Variants in ARID1B observed in about 807,000 individuals in gnomAD.
ARID1B encodes the protein AT-rich interaction domain 1B, also known as AT-rich interactive domain-containing protein 1B.
ARID1B carries 30 observed loss-of-function variants against 212.3 expected under a neutral mutation model. The ratio of observed to expected loss-of-function variants is 0.14; its 90% confidence interval spans 0.11 to 0.19. ARID1B has a LOEUF of 0.19. Ranked by LOEUF, ARID1B falls within the 10% of genes least tolerant of loss-of-function variation. The probability of loss-of-function intolerance (pLI) is 1.00; values close to 1 mark genes in which losing one functional copy is unlikely to be tolerated. For synonymous variants in ARID1B, 1,402 were observed against 1,301.7 expected (o/e 1.08, Z -1.66); for missense variants, 2,891 against 3,204.0 (o/e 0.90, Z 2.36).
chr6:156,998,458 C>T (rs1373650849), intron 4 of ARID1B, among the ~76,000 whole-genome samples: 3 of 152,066 alleles, frequency 2.0e-5, no homozygotes, highest in African/African-American at 4.8e-5. Context: ...CTCCTGACCT[C>T]GTGATCCACC....
chr6:157,145,477 C>A (rs1789660202), intron 7 of ARID1B, among the ~76,000 whole-genome samples: 1 of 152,126 alleles, frequency 6.6e-6, no homozygotes, highest in Non-Finnish European at 1.5e-5. Context: ...CGTGCGTCGC[C>A]TGTAGGGAAT....
At chr6:157,138,491 G>C (rs1392828547) in intron 7 of ARID1B, among the ~76,000 whole-genome samples, 1 of 152,098 alleles carries the variant, frequency 6.6e-6, no homozygotes, top group Non-Finnish European at 1.5e-5. Context: ...ACCCACCTCG[G>C]CCTCCCAAAG....
At chr6:157,043,905 T>G (rs1782048411) in intron 4 of ARID1B, among the ~76,000 whole-genome samples, 1 of 152,244 alleles carries the variant, frequency 6.6e-6, no homozygotes, top group Non-Finnish European at 1.5e-5. Context: ...TGCAGTTGTA[T>G]TCATTCATAT....
At chr6:156,848,941 T>G (rs140315951) in intron 2 of ARID1B, among the ~76,000 whole-genome samples, 313 of 152,354 alleles carry the variant, frequency 2.1e-3, no homozygotes, top group Admixed American at 3.9e-3. Flanking sequence ...GAGACAACTT[T>G]GAGTAAATTT....
In ARID1B at chr6:156,779,487, G is replaced by A; in HGVS notation, c.1791+16G>A. 5 of 1,349,366 alleles carry A rather than the reference G, an allele frequency of 3.7e-6. No homozygotes were observed. The highest frequency in any genetic ancestry group is 3.1e-5 in the African/African-American group (2 of 65,256). 83.6% of individuals were successfully genotyped at this position (1,349,366 alleles called of 1,614,324 possible). On this transcript the variant is annotated intron_variant, in intron 1 of 19. Coordinates refer to ENST00000636930, the MANE Select transcript of ARID1B (RefSeq NM_001374828.1). ...CAGATCCCAGGTAACCCTCGCGCCA[G>A]CCGGGCCTGCTTCCGCCCGGCGGCC... is the stretch of plus-strand genomic sequence containing the variant.
chr6:156,934,319 C>G (rs78528617), intron 3 of ARID1B, among the ~76,000 whole-genome samples: 101 of 144,286 alleles, frequency 7.0e-4, no homozygotes, highest in African/African-American at 2.4e-3. Context: ...ACACAGGTAG[C>G]TAGAGATCTG....
chr6:157,200,834 C>G lies in ARID1B; in HGVS notation c.4609C>G (p.Pro1537Ala), dbSNP rs140639463. The change falls in exon 18 of 20, where the codon CCG (proline) becomes GCG (alanine). Residue 1537 changes from proline to alanine, a missense_variant. Pro to Ala is a conservative substitution (Grantham distance 27, BLOSUM62 -1). Around this residue, in one of 7 missense-constraint regions of ARID1B, gnomAD observed 666 missense variants for 873.5 expected, o/e 0.76. Coordinates refer to ENST00000636930, the MANE Select transcript of ARID1B (RefSeq NM_001374828.1). The surrounding 1 kb of genome is among the most constrained non-coding windows in gnomAD (Gnocchi z 4.3). ...CCAGTATGGAGGCTCCTACTCGGGCCCGGACCGCAGGCCCATCCAGGGCCA... is the reference window on the plus strand; with the variant it reads ...CCAGTATGGAGGCTCCTACTCGGGCGCGGACCGCAGGCCCATCCAGGGCCA... ...YNQYGGSYSG[P>A]DRRPIQGQYP... 3.0e-5 allele frequency: 49 copies of G among 1,614,096 alleles called. No homozygotes were observed. The highest frequency in any genetic ancestry group is 4.0e-5 in the Non-Finnish European group (47 of 1,180,036).
rs1554228776 is a variant in ARID1B at position 157,167,041 on chromosome 6, C to G, written c.3091C>G (p.Gln1031Glu). The change falls in exon 9 of 20, where the codon CAA (glutamine) becomes GAA (glutamate). Residue 1031 changes from glutamine (Q) to glutamate (E), a missense_variant and splice_region_variant. This residue lies in a region of ARID1B where 1,643 missense variants were observed against 1,544.0 expected (regional missense o/e 1.06). Transcript: ENST00000636930. ...GTGCTGTGCTTTCTCTTCCTGTAGG[C>G]AAGGCAGTTTCCCCGGCATGAACCA... is the stretch of plus-strand genomic sequence containing the variant. Reference protein sequence around the residue: ...QAAANSAQSRQGSFPGMNQSG... With the variant: ...QAAANSAQSREGSFPGMNQSG... 6.2e-7 allele frequency: 1 copy of G among 1,610,858 alleles called. No homozygotes were observed. Among genetic ancestry groups the G allele is most frequent in the Non-Finnish European group, 8.5e-7 (1 of 1,179,936 alleles).
intron 4 of ARID1B, among the ~76,000 whole-genome samples, chr6:156,963,266 A>G (rs936887246): frequency 7.2e-5 from 11 of 152,160 alleles, no homozygotes; most frequent in Admixed American, 7.2e-4. Flanking sequence ...AGTGATGTTA[A>G]GTTTTCTCTT....
intron 4 of ARID1B, among the ~76,000 whole-genome samples, chr6:157,007,257 C>A (rs1463057083): frequency 7.2e-5 from 11 of 152,136 alleles, no homozygotes; most frequent in Admixed American, 7.2e-4. Context: ...TAGAAAAATG[C>A]TTTTTAATGT....
chr6:157,192,837 A>G (rs1248538539), intron 15 of ARID1B, among the ~76,000 whole-genome samples: 2 of 152,254 alleles, frequency 1.3e-5, no homozygotes, highest in African/African-American at 2.4e-5. Flanking sequence ...CCTGTTGTGT[A>G]TAGTTTTCCA....
intron 2 of ARID1B, among the ~76,000 whole-genome samples, chr6:156,878,067 C>T (rs967736612): frequency 1.3e-5 from 2 of 152,094 alleles, no homozygotes; most frequent in African/African-American, 4.8e-5. Flanking sequence ...TGAAGGGCTT[C>T]TCTCACTCTA....
In ARID1B at chr6:156,782,711, A is replaced by T. The variant is rs555047364; in HGVS notation, c.1791+3240A>T. On this transcript the variant is annotated intron_variant, in intron 1 of 19. Transcript: ENST00000636930. ...TCCCAGTTAAATTTTAGGGTGTCTG[A>T]TATTTTAAATCTTGTAAACAAATTT... Among the ~76,000 whole-genome samples the T allele has an allele frequency of 2.0e-5, 3 of 152,248 alleles. No individual in the cohort carries two copies. The East Asian group carries it at 5.8e-4, about 29-fold the overall frequency.
At position 157,084,833 on chromosome 6, in the gene ARID1B, C is replaced by A; in HGVS notation, c.2419C>A (p.Pro807Thr). 6.2e-7 allele frequency: 1 copy of A among 1,614,096 alleles called. No homozygotes were observed. The highest frequency in any genetic ancestry group is 1.3e-5 in the African/African-American group (1 of 75,038). Reference protein sequence around the residue: ...HLSSIPGGPSPSPVGSPVGSN... With the variant: ...HLSSIPGGPSTSPVGSPVGSN... ...CTCCAGCATCCCGGGGGGCCCATCT[C>A]CCTCTCCTGTTGGCTCTCCTGTAGG... The change falls in exon 5 of 20, where the codon CCC becomes ACC. Residue 807 changes from proline (P) to threonine (T), a missense_variant. Pro to Thr is a conservative substitution (Grantham distance 38). Around this residue, in one of 7 missense-constraint regions of ARID1B, gnomAD observed 1,643 missense variants for 1,544.0 expected, o/e 1.06. Coordinates refer to ENST00000636930, the MANE Select transcript of ARID1B (RefSeq NM_001374828.1).
At chr6:156,993,334 G>A (rs1778378454) in intron 4 of ARID1B, among the ~76,000 whole-genome samples, 1 of 152,222 alleles carries the variant, frequency 6.6e-6, no homozygotes, top group African/African-American at 2.4e-5. Flanking sequence ...ACTGCGCCTG[G>A]CACATTTTAA....
rs376506396 is a variant in ARID1B, at chr6:156,856,700, T to A, written c.1986+27279T>A. Among the ~76,000 whole-genome samples the A allele has an allele frequency of 5.5e-3, 627 of 114,726 alleles. 3 individuals are homozygous for A. Among genetic ancestry groups the A allele is most frequent in the African/African-American group, 7.7e-3 (224 of 29,068 alleles). The allele number at this position is 114,726 out of a possible 152,430, so 75.3% of individuals were successfully genotyped here. On this transcript the variant is annotated intron_variant, in intron 2 of 19. Coordinates refer to ENST00000636930, the MANE Select transcript of ARID1B (RefSeq NM_001374828.1). ...CTCTCTCTCTCTCTCTCTCTCTCTC[T>A]CACACACACACACACACACACACAC...
At chr6:156,855,735 G>C (rs748441864) in intron 2 of ARID1B, among the ~76,000 whole-genome samples, 1 of 152,158 alleles carries the variant, frequency 6.6e-6, no homozygotes, top group East Asian at 1.9e-4. Flanking sequence ...GTGTGTGAGT[G>C]TGCGTGCATG....
intron 4 of ARID1B, among the ~76,000 whole-genome samples, chr6:157,033,787 G>A (rs1021150317): frequency 6.6e-6 from 1 of 152,182 alleles, no homozygotes; most frequent in Non-Finnish European, 1.5e-5. Flanking sequence ...TTAGGCACTT[G>A]TGTTATAAAA....
chr6:157,162,684 A>G (rs1052568191), intron 8 of ARID1B, among the ~76,000 whole-genome samples: 1 of 152,208 alleles, frequency 6.6e-6, no homozygotes, highest in Non-Finnish European at 1.5e-5. Flanking sequence ...TGTTTAAGTA[A>G]TAACTCCCCA....
Sources: gnomAD v4.1 joint callset for allele counts (sites outside exome capture counted in the v4.1 genomes callset) on GRCh38, gnomAD v4.1.1 for gene constraint, gnomAD v4.1.1 regional missense constraint, Gnocchi (gnomAD v3.1) non-coding constraint, MANE v1.5 for transcripts, NCBI Gene and HGNC (gene_info 2026-07-23, HGNC 2026-07-21) for gene names.